The following GLG1 variants were observed in gnomAD, a reference collection of about 807,000 sequenced individuals.
GLG1 encodes the protein Golgi apparatus protein 1.
In GLG1, 38 loss-of-function variants were observed where a neutral mutation model predicts 160.5. The observed-to-expected ratio is 0.24, with a 90% CI of 0.18 to 0.31. GLG1 has a LOEUF of 0.31. Among genes scored for constraint, GLG1 ranks in the 10% least tolerant of loss-of-function variants. GLG1 has a pLI of 1.00. For synonymous variants in GLG1, 644 were observed against 543.4 expected, an observed-to-expected ratio of 1.19 and a Z score of -2.57; for missense variants, 1,373 against 1,505.2, an observed-to-expected ratio of 0.91 and a Z score of 1.45.
chr16:74,479,198 T>C (rs2015508864), intron 11 of GLG1, among the ~76,000 whole-genome samples: 2 of 138,926 alleles, frequency 1.4e-5, no homozygotes, highest in Non-Finnish European at 3.0e-5. Flanking sequence ...CACTCCAGCC[T>C]GGGGTGCAGT....
At chr16:74,575,769 G>C (rs2018984696) in intron 1 of GLG1, among the ~76,000 whole-genome samples, 1 of 152,040 alleles carries the variant, frequency 6.6e-6, no homozygotes, top group Non-Finnish European at 1.5e-5. Flanking sequence ...AGATATCAAT[G>C]AGAAAATATT....
At chr16:74,507,780 G>C (rs1053924162) in intron 3 of GLG1, among the ~76,000 whole-genome samples, 8 of 152,034 alleles carry the variant, frequency 5.3e-5, no homozygotes, top group African/African-American at 1.9e-4. Flanking sequence ...ACAATATAGA[G>C]GGAAAATACA....
chr16:74,471,209 G>A lies in GLG1; in HGVS notation c.2193C>T (p.Asn731=), dbSNP rs149507933. The A allele has an allele frequency of 3.5e-5, 56 of 1,612,286 alleles. No individual in the cohort carries two copies. The African/African-American group carries it at 4.3e-4, about 12-fold the overall frequency. ...LIQNKHQKDM[N]EKCAIGVTHF... is the part of the protein sequence containing the mutation. Reference sequence around the variant, plus strand: ...GGGTAACTCCGATGGCACACTTCTCGTTCATGTCCTTCTGGTGTTTGTTCT... The same window carrying A: ...GGGTAACTCCGATGGCACACTTCTCATTCATGTCCTTCTGGTGTTTGTTCT... The change falls in exon 15 of 26, where the codon AAC becomes AAT. Residue 731 remains asparagine (N), a synonymous_variant. Transcript: ENST00000422840.
intron 25 of GLG1, among the ~76,000 whole-genome samples, chr16:74,453,632 G>A (rs569339861): frequency 2.0e-5 from 3 of 152,274 alleles, no homozygotes; most frequent in East Asian, 1.9e-4. Flanking sequence ...TCGGGCCCTG[G>A]ACGAAGGGCT....
In GLG1 at chr16:74,463,342, A is replaced by C; in HGVS notation, c.2791+14T>G. On this transcript the variant is annotated intron_variant, in intron 20 of 25. Coordinates refer to ENST00000422840, the MANE Select transcript of GLG1 (RefSeq NM_001145667.2). ...ATACTCCACGGGGCCAGGAGAGCCAAGCCAAGATCTTACCTGTGTTCTGGG... is the reference window on the plus strand; with the variant it reads ...ATACTCCACGGGGCCAGGAGAGCCACGCCAAGATCTTACCTGTGTTCTGGG... The C allele has an allele frequency of 6.2e-7, 1 of 1,613,614 alleles. No individual in the cohort carries two copies. Among genetic ancestry groups the C allele is most frequent in the Non-Finnish European group, 8.5e-7 (1 of 1,179,614 alleles).
At chr16:74,531,917 G>A (rs1447522606) in intron 2 of GLG1, among the ~76,000 whole-genome samples, 9 of 152,112 alleles carry the variant, frequency 5.9e-5, no homozygotes, top group South Asian at 2.1e-4. Flanking sequence ...ACTTAAGTAC[G>A]TAAATATTAT....
chr16:74,580,605 A>C (rs546200993), intron 1 of GLG1, among the ~76,000 whole-genome samples: 1 of 152,224 alleles, frequency 6.6e-6, no homozygotes, highest in Non-Finnish European at 1.5e-5. Flanking sequence ...AAGCTTCATG[A>C]CATTGAATTT....
At position 74,578,175 on chromosome 16, in the gene GLG1, T is replaced by C. The variant is rs1957857845; in HGVS notation, c.438+28482A>G. Among the ~76,000 whole-genome samples, 4 of 152,184 alleles carry C rather than the reference T, an allele frequency of 2.6e-5. No homozygotes were observed. In the South Asian group the frequency reaches 8.3e-4, roughly 31 times the overall value. ...TTTGATCTCTTTTTGAAAAACTGTTTATTATGAGTATGTGATGACTCATGA... is the reference window on the plus strand; with the variant it reads ...TTTGATCTCTTTTTGAAAAACTGTTCATTATGAGTATGTGATGACTCATGA... On this transcript the variant is annotated intron_variant, in intron 1 of 25. Transcript: ENST00000422840.
Position 74,467,784 on chromosome 16 carries a change from C to A in GLG1, c.2501G>T (p.Cys834Phe). Residue 834 changes from cysteine to phenylalanine, a missense_variant, in exon 18 of 26, where the codon TGT becomes TTT. Cys to Phe is a radical substitution (Grantham distance 205). Around this residue, in one of 4 missense-constraint regions of GLG1, gnomAD observed 491 missense variants for 632.1 expected, o/e 0.78. Coordinates refer to ENST00000422840, the MANE Select transcript of GLG1 (RefSeq NM_001145667.2). ...AGCGTTGCCATATTGCACAGCGGAACAGAAGTTTTTGATGTCACTCTTGCA... is the reference window on the plus strand; with the variant it reads ...AGCGTTGCCATATTGCACAGCGGAAAAGAAGTTTTTGATGTCACTCTTGCA... Reference protein sequence around the residue: ...EACKSDIKNFCSAVQYGNAQI... With the variant: ...EACKSDIKNFFSAVQYGNAQI... 1 of 1,613,180 alleles carries A rather than the reference C, an allele frequency of 6.2e-7. No individual in the cohort carries two copies. The highest frequency in any genetic ancestry group is 8.5e-7 in the Non-Finnish European group (1 of 1,179,248).
chr16:74,507,709 G>A (rs762799085), intron 3 of GLG1, among the ~76,000 whole-genome samples: 3 of 151,768 alleles, frequency 2.0e-5, no homozygotes, highest in African/African-American at 7.3e-5. Context: ...GCACTCCAGC[G>A]TGGGCGACAG....
chr16:74,522,422 T>A (rs2017195349), intron 2 of GLG1, among the ~76,000 whole-genome samples: 1 of 152,268 alleles, frequency 6.6e-6, no homozygotes, highest in African/African-American at 2.4e-5. Context: ...GTCAAGGTAC[T>A]GGTATCTCAC....
In GLG1 at chr16:74,491,234, C is replaced by A. The variant is rs1351852881; in HGVS notation, c.1235-19G>T. 1 of 1,554,570 alleles carries A rather than the reference C, an allele frequency of 6.4e-7. No individual in the cohort carries two copies. The highest frequency in any genetic ancestry group is 1.7e-4 in the Middle Eastern group (1 of 5,926). On this transcript the variant is annotated intron_variant, in intron 7 of 25. Transcript: ENST00000422840. ...TGTCGCCCTAAGTTAGGATGTAAGT[C>A]ATAACATTACGAAGGGTGATGCTAT...
chr16:74,570,654 G>C (rs546124130), intron 1 of GLG1, among the ~76,000 whole-genome samples: 1 of 152,210 alleles, frequency 6.6e-6, no homozygotes, highest in Admixed American at 6.5e-5. Context: ...ACAACACTTT[G>C]GGACGCCAGG....
Position 74,457,863 on chromosome 16 carries a change from C to T in GLG1, c.3265+11G>A. 1 of 1,613,358 alleles carries T rather than the reference C, an allele frequency of 6.2e-7. No individual in the cohort carries two copies. The highest frequency in any genetic ancestry group is 2.2e-5 in the East Asian group (1 of 44,874). On this transcript the variant is annotated intron_variant, in intron 24 of 25. Coordinates refer to ENST00000422840, the MANE Select transcript of GLG1 (RefSeq NM_001145667.2). ...GTTCAGACAGGATCAAGAGTGAACA[C>T]AGAGACTTACGACGCCCGCGGCCAG... is the stretch of plus-strand genomic sequence containing the variant.
rs772034232 is a variant in GLG1, at chr16:74,532,192, AAATAT to A, written c.439-44_439-40del. ...AAAAGAAGAGATGATGTAAAAAAAA[AAATAT>A]ATATATATATATATAGAGAACCTTT... On this transcript the variant is annotated intron_variant, in intron 1 of 25. Transcript: ENST00000422840. 4.0e-3 allele frequency: 2,361 copies of A among 584,266 alleles called. 14 individuals are homozygous for A. The highest frequency in any genetic ancestry group is 5.5e-3 in the South Asian group (123 of 22,176). The allele number at this position is 584,266 out of a possible 1,614,324, so 36.2% of individuals were successfully genotyped here. A position where few individuals can be genotyped will look rare whatever the true frequency, so the allele number is the denominator to read the frequency against.
chr16:74,487,934 C>T (rs547908540), intron 8 of GLG1, among the ~76,000 whole-genome samples: 122 of 152,112 alleles, frequency 8.0e-4, no homozygotes, highest in Non-Finnish European at 1.6e-3. Context: ...ATTCCAGCCC[C>T]TGGCATGCCT....
Position 74,517,963 on chromosome 16 carries a change from T to C in GLG1, c.472-9038A>G, listed in dbSNP as rs374219353. Reference sequence around the variant, plus strand: ...CTCCCATTCACAATTGCTTCAAAAATAATAAAATACCTAGGAATCCAACTC... The same window carrying C: ...CTCCCATTCACAATTGCTTCAAAAACAATAAAATACCTAGGAATCCAACTC... On this transcript the variant is annotated intron_variant, in intron 2 of 25. Coordinates refer to ENST00000422840, the MANE Select transcript of GLG1 (RefSeq NM_001145667.2). 4.6e-4 allele frequency among the ~76,000 whole-genome samples: 70 copies of C among 152,028 alleles called. 1 individual carries two copies. In the South Asian group the frequency reaches 0.014, roughly 31 times the overall value.
chr16:74,468,705 T>G (rs11639812), intron 17 of GLG1: 160,721 of 501,994 alleles, frequency 0.32, 27,017 homozygotes, highest in Middle Eastern at 0.36. Flanking sequence ...GATCACATGC[T>G]TAGTTAGAGC....
chr16:74,577,880 G>A (rs541999084), intron 1 of GLG1, among the ~76,000 whole-genome samples: 109 of 151,890 alleles, frequency 7.2e-4, no homozygotes, highest in African/African-American at 2.5e-3. Context: ...GCCTCCCAAA[G>A]TGCTGGGATT....
Sources: allele counts gnomAD v4.1 joint callset (sites outside exome capture counted in the v4.1 genomes callset), GRCh38; gene constraint gnomAD v4.1.1; regional missense constraint gnomAD v4.1.1; transcripts MANE v1.5; gene names NCBI Gene and HGNC (gene_info 2026-07-23, HGNC 2026-07-21).